MYO7A: variants seen among roughly 807,000 people sequenced by gnomAD.
The protein encoded by MYO7A is myosin VIIA.
In MYO7A, 210 loss-of-function variants were observed where a neutral mutation model predicts 263.8. The observed-to-expected ratio is 0.80, with a 90% confidence interval of 0.71 to 0.89. The LOEUF (loss-of-function observed/expected upper bound fraction) is 0.89. Ranked by LOEUF, MYO7A falls within the 40% of genes least tolerant of loss-of-function variation. MYO7A has a pLI of 0.00. For missense variants in MYO7A, 2,820 were observed against 2,968.3 expected, an observed-to-expected ratio of 0.95 and a Z score of 1.16; for synonymous variants, 1,239 against 1,197.3, an observed-to-expected ratio of 1.03 and a Z score of -0.72.
intron 18 of MYO7A, 35 bp from the exon 19 acceptor site, chr11:77,177,514 C>A (rs782015047): frequency 6.4e-7 from 1 of 1,552,396 alleles, no homozygotes. Context: ...TAGAGGAGAC[C>A]TTGTGGGGCG....
intron 26 of MYO7A, among the ~76,000 whole-genome samples, chr11:77,183,725 G>T (rs1251518424): frequency 6.6e-6 from 1 of 151,904 alleles, no homozygotes; most frequent in South Asian, 2.1e-4. Flanking sequence ...ATTTGCACAT[G>T]CCAGTCCCTC....
At chr11:77,189,524 G>A in intron 28 of MYO7A, 54 bp downstream of exon 28, 1 of 1,605,446 alleles carries the variant, frequency 6.2e-7, no homozygotes. Flanking sequence ...CCCTGTCCCA[G>A]CACTGTGGGG....
At chr11:77,214,065 A>G in intron 48 of MYO7A, 86 bp downstream of exon 48, 1 of 1,573,978 alleles carries the variant, frequency 6.4e-7, no homozygotes, top group Non-Finnish European at 8.7e-7. Context: ...CAAACACAGT[A>G]GTGTGCGGCT....
At position 77,211,240 on chromosome 11, in the gene MYO7A, A is replaced by C; in HGVS notation, c.6140A>C (p.Glu2047Ala). The change falls in exon 45 of 49, where the codon GAG becomes GCG. Residue 2047 changes from glutamate to alanine, a missense_variant. Coordinates refer to ENST00000409709, the MANE Select transcript of MYO7A (RefSeq NM_000260.4). ...LGALIYRVKF[E>A]EDKSYFPSIP... is the part of the protein sequence containing the mutation. Reference sequence around the variant, plus strand: ...GCGCTGATCTACAGGGTCAAGTTCGAGGAGGACAAGTCCTACTTCCCCAGC... The same window carrying C: ...GCGCTGATCTACAGGGTCAAGTTCGCGGAGGACAAGTCCTACTTCCCCAGC... 1 of 1,585,928 alleles carries C rather than the reference A, an allele frequency of 6.3e-7. No individual in the cohort carries two copies. The highest frequency in any genetic ancestry group is 8.6e-7 in the Non-Finnish European group (1 of 1,166,332).
chr11:77,159,403 G>GTC, intron 9 of MYO7A, 44 bp from the exon 10 acceptor site: 9 of 711,716 alleles, frequency 1.3e-5, no homozygotes, highest in Admixed American at 3.8e-5. Flanking sequence ...TGCCCCTGTT[G>GTC]CCCACCCTCC....
chr11:77,171,883 G>A (rs1555076229), intron 15 of MYO7A, among the ~76,000 whole-genome samples: 1 of 152,204 alleles, frequency 6.6e-6, no homozygotes, highest in Non-Finnish European at 1.5e-5. Context: ...TCTCAGAGGG[G>A]ACCCCAGTAG....
chr11:77,185,248 G>T (rs1461342720), intron 27 of MYO7A, among the ~76,000 whole-genome samples: 1 of 152,178 alleles, frequency 6.6e-6, no homozygotes, highest in African/African-American at 2.4e-5. Context: ...AGACAACAGT[G>T]AGATTTGCTT....
chr11:77,157,114 A>G (rs1319230236), intron 7 of MYO7A, 110 bp downstream of exon 7: 21 of 1,483,076 alleles, frequency 1.4e-5, no homozygotes, highest in Non-Finnish European at 1.9e-5. Flanking sequence ...ACCTGCCCGT[A>G]TTGCTGCCTG....
At chr11:77,200,549 C>A (rs918166559) in intron 35 of MYO7A, among the ~76,000 whole-genome samples, 14 of 152,338 alleles carry the variant, frequency 9.2e-5, no homozygotes, top group African/African-American at 3.4e-4. Flanking sequence ...ACTGCCAACA[C>A]TGGGAGATCA....
Position 77,159,351 on chromosome 11 carries a change from G to A in MYO7A, c.1004-96G>A, listed in dbSNP as rs1301595146. 71 of 1,153,002 alleles carry A rather than the reference G, an allele frequency of 6.2e-5. 1 individual carries two copies. Among genetic ancestry groups the A allele is most frequent in the South Asian group, 5.5e-4 (42 of 75,886 alleles). 71.4% of individuals were successfully genotyped at this position (1,153,002 alleles called of 1,614,324 possible). ...CCCTCCCTGGACAGGGCAGGACCCCGGCAGCAGGAGTGGCAGCCTAGTCCT... is the reference window on the plus strand; with the variant it reads ...CCCTCCCTGGACAGGGCAGGACCCCAGCAGCAGGAGTGGCAGCCTAGTCCT... On this transcript the variant is annotated intron_variant, in intron 9 of 48. Coordinates refer to ENST00000409709, the MANE Select transcript of MYO7A (RefSeq NM_000260.4).
chr11:77,212,900 T>G, intron 46 of MYO7A, 52 bp from the exon 47 acceptor site: 1 of 1,386,828 alleles, frequency 7.2e-7, no homozygotes, highest in East Asian at 2.5e-5. Context: ...TGTCCCCAAA[T>G]GCTTTTCTTG....
Position 77,159,439 on chromosome 11 carries a change from G to A in MYO7A, c.1004-8G>A, listed in dbSNP as rs2135269228. ...CTCCCCTGATGCTGTGCCCCTTGCT[G>A]CCAACAGCACGCACATTTGAAAACC... On this transcript the variant is annotated splice_region_variant and splice_polypyrimidine_tract_variant and intron_variant, in intron 9 of 48. Coordinates refer to ENST00000409709, the MANE Select transcript of MYO7A (RefSeq NM_000260.4). The A allele has an allele frequency of 2.5e-6, 4 of 1,577,598 alleles. No individual in the cohort carries two copies. Among genetic ancestry groups the A allele is most frequent in the Non-Finnish European group, 3.4e-6 (4 of 1,162,330 alleles).
intron 15 of MYO7A, among the ~76,000 whole-genome samples, chr11:77,172,378 G>T (rs373778652): frequency 1.3e-5 from 2 of 152,158 alleles, no homozygotes; most frequent in Non-Finnish European, 2.9e-5. Flanking sequence ...GACCAAGTCC[G>T]ATTACTCCTT....
rs575106857 is a variant in MYO7A at position 77,207,136 on chromosome 11, T to C, written c.5743-153T>C. 6 of 578,198 alleles carry C rather than the reference T, an allele frequency of 1.0e-5. No individual in the cohort carries two copies. In the East Asian group the frequency reaches 1.4e-4, roughly 14 times the overall value. 35.8% of individuals were successfully genotyped at this position (578,198 alleles called of 1,614,324 possible). A position where few individuals can be genotyped will look rare whatever the true frequency, so the allele number is the denominator to read the frequency against. On this transcript the variant is annotated intron_variant, in intron 41 of 48. Coordinates refer to ENST00000409709, the MANE Select transcript of MYO7A (RefSeq NM_000260.4). ...GAAGACCCAGACAGGAGTAGCCCTTTCCTTTTGTTAAATGCCATGCCCAGC... is the reference window on the plus strand; with the variant it reads ...GAAGACCCAGACAGGAGTAGCCCTTCCCTTTTGTTAAATGCCATGCCCAGC...
rs201195495 is a variant in MYO7A, at chr11:77,192,192, A to T, written c.4066A>T (p.Ser1356Cys). 116 of 1,613,934 alleles carry T rather than the reference A, an allele frequency of 7.2e-5. No individual in the cohort carries two copies. In the African/African-American group the frequency reaches 1.5e-3, roughly 20 times the overall value. ...FRKEVFTPWH[S>C]PSEDNVATNL... is the part of the protein sequence containing the mutation. ...CAAAGAGGTCTTCACGCCCTGGCAC[A>T]GCCCCTCCGAGGACAACGTGGCCAC... The change falls in exon 31 of 49, where the codon AGC (serine) becomes TGC (cysteine). Residue 1356 changes from serine to cysteine, a missense_variant. Ser to Cys is a moderately radical substitution (Grantham distance 112). Coordinates refer to ENST00000409709, the MANE Select transcript of MYO7A (RefSeq NM_000260.4).
Position 77,160,289 on chromosome 11 carries a change from T to C in MYO7A, c.1200+7T>C. The C allele has an allele frequency of 1.3e-6, 2 of 1,555,318 alleles. No individual in the cohort carries two copies. The highest frequency in any genetic ancestry group is 1.2e-5 in the South Asian group (1 of 84,250). On this transcript the variant is annotated splice_region_variant and intron_variant, in intron 11 of 48. Coordinates refer to ENST00000409709, the MANE Select transcript of MYO7A (RefSeq NM_000260.4). ...GCGCGACGCCTTCGTAAAGGTGGGC[T>C]GGAGGGAAGGGGCCGCTTGCTCGCC...
chr11:77,199,126 G>A (rs1384282127), intron 34 of MYO7A, among the ~76,000 whole-genome samples: 1 of 152,188 alleles, frequency 6.6e-6, no homozygotes, highest in Non-Finnish European at 1.5e-5. Flanking sequence ...TTGTAGCAGT[G>A]TCTTTGGGTT....
At chr11:77,179,605 G>A (rs889583974) in intron 20 of MYO7A, 130 bp from the exon 21 acceptor site, 38 of 748,000 alleles carry the variant, frequency 5.1e-5, no homozygotes, top group South Asian at 5.8e-5. Context: ...ACTAATCTGA[G>A]AGGAGACTGG....
intron 18 of MYO7A, among the ~76,000 whole-genome samples, chr11:77,177,217 C>T (rs931653443): frequency 6.6e-6 from 1 of 152,214 alleles, no homozygotes; most frequent in Non-Finnish European, 1.5e-5. Flanking sequence ...ACTGATGTGA[C>T]AGGGACGTCT....
Sources: gnomAD v4.1 joint callset for allele counts (sites outside exome capture counted in the v4.1 genomes callset) on GRCh38, gnomAD v4.1.1 for gene constraint, MANE v1.5 for transcripts, NCBI Gene and HGNC (gene_info 2026-07-23, HGNC 2026-07-21) for gene names.